Variants in LAMA4 observed in about 807,000 individuals in gnomAD.
LAMA4 encodes the protein laminin subunit alpha 4.
Under a neutral mutation model 207.1 loss-of-function variants are expected in LAMA4, and 127 were observed. That is an observed-to-expected ratio of 0.61 (90% confidence interval 0.53 to 0.71). The LOEUF is 0.71. Ranked by LOEUF, LAMA4 falls within the 30% of genes least tolerant of loss-of-function variation. The probability of loss-of-function intolerance (pLI) is 0.00; values close to 1 mark genes in which losing one functional copy is unlikely to be tolerated. For synonymous variants in LAMA4, 761 were observed against 816.0 expected (o/e 0.93, Z 1.15); for missense variants, 2,093 against 2,246.5 (o/e 0.93, Z 1.38).
At chr6:112,175,880 CT>C (rs1224923617) in intron 10 of LAMA4, among the ~76,000 whole-genome samples, 2 of 152,186 alleles carry the variant, frequency 1.3e-5, no homozygotes, top group Non-Finnish European at 2.9e-5. Context: ...ATATAACATA[CT>C]TAACTTGGAG....
Position 112,189,186 on chromosome 6 carries a change from G to A in LAMA4, c.738C>T (p.Gly246=), listed in dbSNP as rs782462144. Reference sequence around the variant, plus strand: ...ATTCTCCGGTTACACTGTCACATGGGCCTCCCCCGCAGTTGCACACTGTGG... The same window carrying A: ...ATTCTCCGGTTACACTGTCACATGGACCTCCCCCGCAGTTGCACACTGTGG... ...KNCAVCNCGG[G]PCDSVTGECL... Residue 246 remains glycine (G), a synonymous_variant, in exon 7 of 39, where the codon GGC becomes GGT. Transcript: ENST00000230538. The A allele has an allele frequency of 6.2e-7, 1 of 1,613,872 alleles. No individual in the cohort carries two copies. Among genetic ancestry groups the A allele is most frequent in the Non-Finnish European group, 8.5e-7 (1 of 1,179,816 alleles).
At chr6:112,149,388 T>C (rs1780238167) in intron 17 of LAMA4, among the ~76,000 whole-genome samples, 1 of 152,106 alleles carries the variant, frequency 6.6e-6, no homozygotes, top group South Asian at 2.1e-4. Flanking sequence ...TCATCTTGAA[T>C]TGTAATCTTC....
Position 112,120,450 on chromosome 6 carries a change from T to C in LAMA4, c.4498A>G (p.Arg1500Gly). Residue 1500 changes from arginine to glycine, a missense_variant, in exon 33 of 39, where the codon AGA becomes GGA. By Grantham distance (125) the Arg-to-Gly change is moderately radical. Around this residue, in one of 3 missense-constraint regions of LAMA4, gnomAD observed 383 missense variants for 437.8 expected, o/e 0.87. Coordinates refer to ENST00000230538, the MANE Select transcript of LAMA4 (RefSeq NM_001105206.3). Reference sequence around the variant, plus strand: ...ATCATGCCATGGGAGGAACGAGTTCTCAGACGAATGGAAAACTGAGATCTG... The same window carrying C: ...ATCATGCCATGGGAGGAACGAGTTCCCAGACGAATGGAAAACTGAGATCTG... ...GAKSQFSIRL[R>G]TRSSHGMIFY... 1 of 1,613,774 alleles carries C rather than the reference T, an allele frequency of 6.2e-7. No individual in the cohort carries two copies. Among genetic ancestry groups the C allele is most frequent in the East Asian group, 2.2e-5 (1 of 44,856 alleles).
intron 3 of LAMA4, among the ~76,000 whole-genome samples, chr6:112,207,741 T>G (rs1310487954): frequency 1.3e-5 from 2 of 152,116 alleles, no homozygotes; most frequent in African/African-American, 4.8e-5. Context: ...TTTTCCCACT[T>G]GTAGTAAAGA....
chr6:112,185,249 T>A lies in LAMA4; in HGVS notation c.1065A>T (p.Glu355Asp), dbSNP rs782001933. The A allele has an allele frequency of 3.7e-6, 6 of 1,600,622 alleles. No homozygotes were observed. Among genetic ancestry groups the A allele is most frequent in the Non-Finnish European group, 4.3e-6 (5 of 1,167,766 alleles). ...CATACATACGTACCTTTTCAACTAA[T>A]TCCTCTACGTCAGACAGAAGGCTTT... Reference protein sequence around the residue: ...TMKSLLSDVEELVEKENQASR... With the variant: ...TMKSLLSDVEDLVEKENQASR... The change falls in exon 9 of 39, where the codon GAA becomes GAT. Residue 355 changes from glutamate (E) to aspartate (D), a missense_variant. Coordinates refer to ENST00000230538, the MANE Select transcript of LAMA4 (RefSeq NM_001105206.3).
chr6:112,186,113 G>A lies in LAMA4; in HGVS notation c.967-766C>T, dbSNP rs1660990968. 2.6e-5 allele frequency among the ~76,000 whole-genome samples: 4 copies of A among 152,164 alleles called. No homozygotes were observed. The South Asian group carries it at 6.2e-4, about 24-fold the overall frequency. On this transcript the variant is annotated intron_variant, in intron 8 of 38. Transcript: ENST00000230538. ...TTTTTGCTTACACTTTACATATTTG[G>A]CCAACTGCTATGGATATCATTTGCA... is the stretch of plus-strand genomic sequence containing the variant.
intron 16 of LAMA4, among the ~76,000 whole-genome samples, chr6:112,153,345 C>T (rs1233978711): frequency 2.0e-5 from 3 of 152,126 alleles, no homozygotes; most frequent in East Asian, 3.8e-4. Context: ...TTCTAAGCCA[C>T]ACAGTACTAA....
At chr6:112,186,379 A>G (rs1345875768) in intron 8 of LAMA4, among the ~76,000 whole-genome samples, 1 of 152,238 alleles carries the variant, frequency 6.6e-6, no homozygotes, top group African/African-American at 2.4e-5. Flanking sequence ...TCCTAAATTG[A>G]CTAACAAAGC....
intron 12 of LAMA4, chr6:112,172,410 A>T: frequency 1.7e-6 from 1 of 589,300 alleles, no homozygotes; most frequent in Non-Finnish European, 3.0e-6. Context: ...CAAAGCAAGA[A>T]CTAGACAATT....
At chr6:112,210,359 T>C (rs746100176) in intron 3 of LAMA4, among the ~76,000 whole-genome samples, 26 of 152,186 alleles carry the variant, frequency 1.7e-4, no homozygotes, top group Non-Finnish European at 3.5e-4. Flanking sequence ...CATTTTTTAA[T>C]AAAACTGACT....
At chr6:112,136,382 G>T (rs1583681120) in intron 24 of LAMA4, 128 bp from the exon 25 acceptor site, 2 of 779,262 alleles carry the variant, frequency 2.6e-6, no homozygotes, top group East Asian at 2.9e-5. Flanking sequence ...AAAGTCTCAT[G>T]AAATTCTTAT....
Position 112,133,551 on chromosome 6 carries a change from C to T in LAMA4, c.3558-64G>A, listed in dbSNP as rs548050054. 32 of 1,586,326 alleles carry T rather than the reference C, an allele frequency of 2.0e-5. No homozygotes were observed. In the African/African-American group the frequency reaches 4.0e-4, roughly 20 times the overall value. On this transcript the variant is annotated intron_variant, in intron 26 of 38. Transcript: ENST00000230538. ...GATGATGTTACCCTGCATATGTAGG[C>T]TATGGAATTTGCATTTATTTATAGT...
chr6:112,144,813 G>A lies in LAMA4; in HGVS notation c.2474C>T (p.Thr825Ile). Residue 825 changes from threonine (T) to isoleucine (I), a missense_variant, in exon 19 of 39, where the codon ACC (threonine) becomes ATC (isoleucine). Around this residue, in one of 3 missense-constraint regions of LAMA4, gnomAD observed 1,704 missense variants for 1,788.4 expected, o/e 0.95. Transcript: ENST00000230538. ...AGTTACCTTGCTGGCAACACTTCTGGTCTGAGCAATGAGCTCTCGGATCCT... is the reference window on the plus strand; with the variant it reads ...AGTTACCTTGCTGGCAACACTTCTGATCTGAGCAATGAGCTCTCGGATCCT... ...IQRIRELIAQ[T>I]RSVASKIQVS... 1 of 1,613,618 alleles carries A rather than the reference G, an allele frequency of 6.2e-7. No homozygotes were observed. Among genetic ancestry groups the A allele is most frequent in the East Asian group, 2.2e-5 (1 of 44,886 alleles).
Position 112,191,660 on chromosome 6 carries a change from C to A in LAMA4, c.694G>T (p.Ala232Ser), listed in dbSNP as rs180891618. The change falls in exon 6 of 39, where the codon GCC (alanine) becomes TCC (serine). Residue 232 changes from alanine (A) to serine (S), a missense_variant. Ala to Ser is a moderately conservative substitution (Grantham distance 99, BLOSUM62 1). Coordinates refer to ENST00000230538, the MANE Select transcript of LAMA4 (RefSeq NM_001105206.3). The part of the protein sequence containing the change: ...ERCAPGYYGD[A>S]RIAKNCAVCN... ...CCTGCACAGTTCTTGGCTATCCTGG[C>A]GTCCCCATAGTAGCCAGGAGCGCAA... 3.7e-6 allele frequency: 6 copies of A among 1,613,792 alleles called. No individual in the cohort carries two copies. In the African/African-American group the frequency reaches 4.0e-5, roughly 11 times the overall value.
chr6:112,206,561 G>A (rs1784068993), intron 4 of LAMA4, among the ~76,000 whole-genome samples: 1 of 152,080 alleles, frequency 6.6e-6, no homozygotes, highest in African/African-American at 2.4e-5. Context: ...GAGCTGATTG[G>A]CCTAAAGCAT....
rs547448792 is a variant in LAMA4, at chr6:112,155,610, A to G, written c.1914T>C (p.Asn638=). The G allele has an allele frequency of 2.0e-5, 33 of 1,614,168 alleles. 1 individual carries two copies. In the South Asian group the frequency reaches 3.3e-4, roughly 16 times the overall value. ...TGTTCAAAGCAAATTCTGCTGTTTC[A>G]TTGGCTTCACTAACATAATTAACAA... ...ENIVNYVSEA[N]ETAEFALNTT... is the part of the protein sequence containing the mutation. Residue 638 remains asparagine (N), a synonymous_variant, in exon 15 of 39, where the codon AAT becomes AAC. Transcript: ENST00000230538.
intron 12 of LAMA4, 53 bp downstream of exon 12, chr6:112,172,558 G>T: frequency 6.5e-7 from 1 of 1,528,592 alleles, no homozygotes; most frequent in Non-Finnish European, 9.1e-7. Context: ...CCTTCTTGGT[G>T]TACCATCACA....
intron 38 of LAMA4, 147 bp downstream of exon 38, chr6:112,113,929 T>G (rs1554322271): frequency 1.1e-6 from 1 of 881,340 alleles, no homozygotes; most frequent in African/African-American, 1.7e-5. Flanking sequence ...GTCACTTTAT[T>G]ATGCCTTTTC....
At chr6:112,214,596 T>C (rs937609514) in intron 3 of LAMA4, among the ~76,000 whole-genome samples, 6 of 152,176 alleles carry the variant, frequency 3.9e-5, no homozygotes, top group Non-Finnish European at 8.8e-5. Flanking sequence ...AAAAAAGATA[T>C]TTTTCTCCGG....
Sources: allele counts gnomAD v4.1 joint callset (sites outside exome capture counted in the v4.1 genomes callset), GRCh38; gene constraint gnomAD v4.1.1; regional missense constraint gnomAD v4.1.1; transcripts MANE v1.5; gene names NCBI Gene and HGNC (gene_info 2026-07-23, HGNC 2026-07-21).